FAM53B: variants seen among roughly 807,000 people sequenced by gnomAD.
FAM53B encodes the protein family with sequence similarity 53 member B.
FAM53B carries 12 observed loss-of-function variants against 32.7 expected under a neutral mutation model. The observed-to-expected ratio is 0.37, with a 90% confidence interval of 0.24 to 0.59. The LOEUF is 0.59. FAM53B is among the 20% of genes least tolerant of loss of function. FAM53B has a pLI of 0.72. For missense variants in FAM53B, 477 were observed against 577.7 expected (o/e 0.83, Z 1.79); for synonymous variants, 234 against 228.7 (o/e 1.02, Z -0.21).
At chr10:124,714,755 C>A (rs1436401534) in intron 1 of FAM53B, among the ~76,000 whole-genome samples, 1 of 103,920 alleles carries the variant, frequency 9.6e-6, no homozygotes, top group South Asian at 3.9e-4. Flanking sequence ...CGAGACTCCA[C>A]CTCAAAAAAA....
intron 4 of FAM53B, chr10:124,667,085 C>A (rs2134060318): frequency 5.4e-6 from 2 of 373,324 alleles, no homozygotes; most frequent in Admixed American, 4.6e-5. Context: ...AGCAAAGCTA[C>A]ATGCAGTCAC....
At chr10:124,678,450 G>A (rs1949750055) in intron 4 of FAM53B, among the ~76,000 whole-genome samples, 1 of 152,192 alleles carries the variant, frequency 6.6e-6, no homozygotes, top group African/African-American at 2.4e-5. Flanking sequence ...GGTGGCATCT[G>A]CTGCACAGAC....
chr10:124,679,460 C>A (rs1350401719), intron 4 of FAM53B, among the ~76,000 whole-genome samples: 1 of 152,174 alleles, frequency 6.6e-6, no homozygotes, highest in Non-Finnish European at 1.5e-5. Context: ...TTCTCAGGGC[C>A]CCACAGAAAA....
rs970949859 is a variant in FAM53B, at chr10:124,682,824, C to T, written c.134-445G>A. Among the ~76,000 whole-genome samples, 2 of 152,232 alleles carry T rather than the reference C, an allele frequency of 1.3e-5. No homozygotes were observed. The highest frequency in any genetic ancestry group is 4.8e-5 in the African/African-American group (2 of 41,466). On this transcript the variant is annotated intron_variant, in intron 3 of 4. Transcript: ENST00000337318. This position sits in a 1 kb window ranked among gnomAD's most constrained non-coding sequence, Gnocchi z 5.2. ...CTCTGCAGCTCTCAGGACTGGGACT[C>T]GATGCCCTGGCAGAAGACCACAACC...
intron 3 of FAM53B, among the ~76,000 whole-genome samples, chr10:124,687,528 T>A (rs1013541164): frequency 1.3e-5 from 2 of 152,104 alleles, no homozygotes; most frequent in Non-Finnish European, 2.9e-5. Context: ...TAAGGATAAT[T>A]AACGGTACTG....
intron 4 of FAM53B, 123 bp from the exon 5 acceptor site, chr10:124,623,727 T>C (rs1949327808): frequency 2.6e-6 from 3 of 1,170,536 alleles, no homozygotes; most frequent in Non-Finnish European, 3.5e-6. Flanking sequence ...CCCGGGTTCC[T>C]CCTATCCAGG....
Position 124,624,954 on chromosome 10 carries a change from A to G in FAM53B, c.907-1350T>C, listed in dbSNP as rs147470367. Among the ~76,000 whole-genome samples, 10 of 152,306 alleles carry G rather than the reference A, an allele frequency of 6.6e-5. No homozygotes were observed. The East Asian group carries it at 9.7e-4, about 15-fold the overall frequency. ...AGCTGCGCACAGAGGGCAGGGGGGA[A>G]TTCCAGCCTTTAGTTTCTTCCCAGC... On this transcript the variant is annotated intron_variant, in intron 4 of 4. Coordinates refer to ENST00000337318, the MANE Select transcript of FAM53B (RefSeq NM_014661.4).
At chr10:124,657,052 GTA>G (rs1326963057) in intron 4 of FAM53B, among the ~76,000 whole-genome samples, 1 of 143,208 alleles carries the variant, frequency 7.0e-6, no homozygotes, top group Non-Finnish European at 1.5e-5. Context: ...ATATATATAT[GTA>G]TATATGTATA....
At chr10:124,717,503 C>G (rs1321053642) in intron 1 of FAM53B, among the ~76,000 whole-genome samples, 2 of 152,250 alleles carry the variant, frequency 1.3e-5, no homozygotes, top group East Asian at 3.8e-4. Context: ...TCCCAGGAAA[C>G]TGGACAAAGG....
chr10:124,743,219 G>C (rs1950210162), intron 1 of FAM53B, among the ~76,000 whole-genome samples: 1 of 152,228 alleles, frequency 6.6e-6, no homozygotes, highest in South Asian at 2.1e-4. Flanking sequence ...CGGATTCTGG[G>C]TGTCCTCGTT....
intron 1 of FAM53B, among the ~76,000 whole-genome samples, chr10:124,707,167 A>G (rs1251142454): frequency 1.3e-5 from 2 of 152,146 alleles, no homozygotes; most frequent in African/African-American, 4.8e-5. Flanking sequence ...GATCTATCTC[A>G]GGGTCTGGGT....
intron 1 of FAM53B, among the ~76,000 whole-genome samples, chr10:124,739,741 A>C (rs1230537935): frequency 6.6e-6 from 1 of 152,052 alleles, no homozygotes; most frequent in Admixed American, 6.6e-5. Flanking sequence ...TGCAGCCCCC[A>C]CAGCAGGAGA....
intron 4 of FAM53B, among the ~76,000 whole-genome samples, chr10:124,669,754 A>C (rs1430029412): frequency 1.3e-5 from 2 of 152,174 alleles, no homozygotes; most frequent in Non-Finnish European, 2.9e-5. Context: ...TCGGGGCCAA[A>C]GAGTGAGTGG....
chr10:124,686,590 C>T (rs541850950), intron 3 of FAM53B, among the ~76,000 whole-genome samples: 1 of 152,234 alleles, frequency 6.6e-6, no homozygotes, highest in Non-Finnish European at 1.5e-5. Flanking sequence ...TGTGATCGTA[C>T]AGCACGTATG....
intron 4 of FAM53B, among the ~76,000 whole-genome samples, chr10:124,625,651 G>A (rs954309517): frequency 2.6e-5 from 4 of 152,238 alleles, no homozygotes; most frequent in Non-Finnish European, 5.9e-5. Context: ...CTTGTGAGGT[G>A]GAAGCCCCAG....
intron 4 of FAM53B, among the ~76,000 whole-genome samples, chr10:124,679,083 C>G (rs1189463640): frequency 6.6e-6 from 1 of 152,210 alleles, no homozygotes; most frequent in Non-Finnish European, 1.5e-5. Context: ...GCTCTCACCC[C>G]CAAAGGCGAA....
At chr10:124,659,979 G>GT (rs1949618594) in intron 4 of FAM53B, among the ~76,000 whole-genome samples, 1 of 152,190 alleles carries the variant, frequency 6.6e-6, no homozygotes, top group Admixed American at 6.5e-5. Flanking sequence ...GCTAATTTTT[G>GT]TATTTGTAGT....
chr10:124,715,609 G>A (rs1188531467), intron 1 of FAM53B, among the ~76,000 whole-genome samples: 2 of 152,178 alleles, frequency 1.3e-5, no homozygotes. Flanking sequence ...CAGTCATCCT[G>A]TGGCCTCAGC....
intron 4 of FAM53B, among the ~76,000 whole-genome samples, chr10:124,678,296 A>T (rs1034010926): frequency 1.3e-5 from 2 of 152,138 alleles, no homozygotes; most frequent in African/African-American, 4.8e-5. Flanking sequence ...CACTGGGGGG[A>T]GTGTGTGTAC....
Sources: allele counts gnomAD v4.1 joint callset (sites outside exome capture counted in the v4.1 genomes callset), GRCh38; gene constraint gnomAD v4.1.1; non-coding constraint Gnocchi (gnomAD v3.1); transcripts MANE v1.5; gene names NCBI Gene and HGNC (gene_info 2026-07-23, HGNC 2026-07-21).